Variants in DNM2 observed in about 807,000 individuals in gnomAD.
DNM2 encodes the protein dynamin 2, also known as dynamin-2.
Under a neutral mutation model 99.0 loss-of-function variants are expected in DNM2, and 15 were observed. The ratio of observed to expected loss-of-function variants is 0.15; its 90% CI spans 0.10 to 0.23. The LOEUF (loss-of-function observed/expected upper bound fraction) is 0.23, where lower values mean the gene tolerates loss of function less well. DNM2 is among the 10% of genes least tolerant of loss of function. The probability of loss-of-function intolerance (pLI) is 1.00; values close to 1 mark genes in which losing one functional copy is unlikely to be tolerated. For missense variants in DNM2, 742 were observed against 1,189.4 expected, an observed-to-expected ratio of 0.62 and a Z score of 5.53; for synonymous variants, 525 against 481.2, an observed-to-expected ratio of 1.09 and a Z score of -1.19.
At chr19:10,829,523 G>A (rs2073260480) in intron 19 of DNM2, among the ~76,000 whole-genome samples, 1 of 152,170 alleles carries the variant, frequency 6.6e-6, no homozygotes, top group Non-Finnish European at 1.5e-5. Flanking sequence ...GCCTTCCATT[G>A]GCACAGCCCA....
chr19:10,777,340 C>T, intron 5 of DNM2, 124 bp downstream of exon 5: 1 of 903,832 alleles, frequency 1.1e-6, no homozygotes, highest in Non-Finnish European at 1.8e-6. Context: ...GTAACTCCTT[C>T]TTTCTTTTCC....
chr19:10,803,710 C>A (rs939888587), intron 12 of DNM2: 4 of 985,968 alleles, frequency 4.1e-6, no homozygotes, highest in Non-Finnish European at 4.8e-6. Flanking sequence ...GGTGTGTGAA[C>A]GGGGTACGCC....
chr19:10,793,002 T>TA, intron 7 of DNM2, among the ~76,000 whole-genome samples: 1 of 152,128 alleles, frequency 6.6e-6, no homozygotes, highest in African/African-American at 2.4e-5. Flanking sequence ...CTCAGCATCC[T>TA]AAAGTGCTAA....
chr19:10,829,082 C>T lies in DNM2; in HGVS notation c.2105C>T (p.Ser702Leu), dbSNP rs745382488. The T allele has an allele frequency of 1.7e-5, 27 of 1,613,752 alleles. No homozygotes were observed. The highest frequency in any genetic ancestry group is 3.3e-5 in the South Asian group (3 of 91,062). Residue 702 changes from serine (S) to leucine (L), a missense_variant, in exon 19 of 21, where the codon TCG becomes TTG. Physicochemically the swap from Ser to Leu is moderately radical, Grantham distance 145. Transcript: ENST00000389253. Reference protein sequence around the residue: ...HHELLAYLYSSADQSSLMEES... With the variant: ...HHELLAYLYSLADQSSLMEES... ...GAGCTGCTGGCCTACCTATACTCCT[C>T]GGCAGACCAGAGCAGCCTCATGGAG...
At chr19:10,790,836 G>A (rs944754717) in intron 7 of DNM2, among the ~76,000 whole-genome samples, 1 of 151,878 alleles carries the variant, frequency 6.6e-6, no homozygotes, top group South Asian at 2.1e-4. Context: ...GTGCAATCCC[G>A]GCTCACCGCA....
intron 6 of DNM2, among the ~76,000 whole-genome samples, chr19:10,784,551 C>G (rs1599548867): frequency 6.6e-6 from 1 of 152,124 alleles, no homozygotes; most frequent in African/African-American, 2.4e-5. Context: ...GGGTGCTTCC[C>G]AGAGCAGCAG....
In DNM2 at chr19:10,777,135, G is replaced by T; in HGVS notation, c.607G>T (p.Val203Phe). 1 of 1,614,182 alleles carries T rather than the reference G, an allele frequency of 6.2e-7. No individual in the cohort carries two copies. Residue 203 changes from valine (V) to phenylalanine (F), a missense_variant, in exon 5 of 21, where the codon GTC becomes TTC. Around this residue, in one of 7 missense-constraint regions of DNM2, gnomAD observed 192 missense variants for 358.9 expected, o/e 0.54. Coordinates refer to ENST00000389253, the MANE Select transcript of DNM2 (RefSeq NM_001005361.3). ...VDPQGLRTIG[V>F]ITKLDLMDEG... ...TCTTTCAGGCCTACGGACCATCGGTGTCATCACCAAGCTTGACCTGATGGA... is the reference window on the plus strand; with the variant it reads ...TCTTTCAGGCCTACGGACCATCGGTTTCATCACCAAGCTTGACCTGATGGA...
chr19:10,782,519 C>T (rs1314293268), intron 5 of DNM2, among the ~76,000 whole-genome samples: 7 of 152,008 alleles, frequency 4.6e-5, no homozygotes, highest in African/African-American at 1.4e-4. Flanking sequence ...CCACCATGCA[C>T]GGCTAATTTT....
intron 1 of DNM2, among the ~76,000 whole-genome samples, chr19:10,749,320 C>T (rs1014462363): frequency 6.6e-6 from 1 of 152,234 alleles, no homozygotes; most frequent in African/African-American, 2.4e-5. Flanking sequence ...AATAAACAGC[C>T]TGGGCTTCTG....
intron 1 of DNM2, among the ~76,000 whole-genome samples, chr19:10,758,964 C>A (rs1480059308): frequency 6.6e-6 from 1 of 151,764 alleles, no homozygotes; most frequent in East Asian, 1.9e-4. Flanking sequence ...TTTTCCCACA[C>A]AGAGTCTCGC....
At chr19:10,739,407 T>C (rs1255410532) in intron 1 of DNM2, among the ~76,000 whole-genome samples, 1 of 152,210 alleles carries the variant, frequency 6.6e-6, no homozygotes, top group African/African-American at 2.4e-5. Flanking sequence ...AACCCATACA[T>C]ATGAAGCAGT....
intron 18 of DNM2, among the ~76,000 whole-genome samples, chr19:10,826,746 G>A (rs2073154185): frequency 6.6e-6 from 1 of 151,940 alleles, no homozygotes; most frequent in Admixed American, 6.6e-5. Context: ...AATTAGCTGG[G>A]CGTGGTGGCA....
Position 10,795,453 on chromosome 19 carries a change from G to A in DNM2, c.1196+14G>A. 1.9e-6 allele frequency: 3 copies of A among 1,613,974 alleles called. No individual in the cohort carries two copies. The highest frequency in any genetic ancestry group is 2.5e-6 in the Non-Finnish European group (3 of 1,179,966). The stretch of plus-strand genomic sequence containing the variant: ...CCATGGAGTCAGGCAAGTTCCACGA[G>A]GAGAGTCACCACTGTTCCTTCCTCT... On this transcript the variant is annotated intron_variant, in intron 9 of 20. Coordinates refer to ENST00000389253, the MANE Select transcript of DNM2 (RefSeq NM_001005361.3). The surrounding 1 kb of genome is among the most constrained non-coding windows in gnomAD (Gnocchi z 4.2).
intron 1 of DNM2, among the ~76,000 whole-genome samples, chr19:10,749,779 G>A (rs560479915): frequency 5.3e-5 from 8 of 152,338 alleles, no homozygotes; most frequent in East Asian, 1.9e-4. Context: ...AAGTCTTGGC[G>A]TGTCACAGGA....
In DNM2 at chr19:10,730,963, C is replaced by T. The variant is rs561604143; in HGVS notation, c.161+12560C>T. ...AGACAAGAGGCCAGCAGAGCTGTCC[C>T]AGGCCCTGGTGACACCTCCATGCCC... On this transcript the variant is annotated intron_variant, in intron 1 of 20. Coordinates refer to ENST00000389253, the MANE Select transcript of DNM2 (RefSeq NM_001005361.3). 7.2e-5 allele frequency among the ~76,000 whole-genome samples: 11 copies of T among 152,338 alleles called. No homozygotes were observed. The East Asian group carries it at 2.1e-3, about 29-fold the overall frequency.
chr19:10,779,651 G>A (rs549128723), intron 5 of DNM2, among the ~76,000 whole-genome samples: 1 of 151,348 alleles, frequency 6.6e-6, no homozygotes, highest in South Asian at 2.1e-4. Context: ...GGGATTACAG[G>A]CATGTGCGAT....
Position 10,831,555 on chromosome 19 carries a change from C to T in DNM2, c.*508C>T. 1 of 986,314 alleles carries T rather than the reference C, an allele frequency of 1.0e-6. No homozygotes were observed. 61.1% of individuals were successfully genotyped at this position (986,314 alleles called of 1,614,324 possible). ...GCCCAGCTGGCAGGCCTGAGGTGTA[C>T]ATAGTCCTTCCCGGCCATATTAACC... On this transcript the variant is annotated 3_prime_UTR_variant, in exon 21 of 21. Coordinates refer to ENST00000389253, the MANE Select transcript of DNM2 (RefSeq NM_001005361.3). This position sits in a 1 kb window ranked among gnomAD's most constrained non-coding sequence, Gnocchi z 4.3.
intron 1 of DNM2, among the ~76,000 whole-genome samples, chr19:10,722,633 G>A (rs137976010): frequency 0.032 from 4,868 of 151,964 alleles, 82 homozygotes; most frequent in South Asian, 0.095. Flanking sequence ...GTGAGCCACC[G>A]CGCCTGGCCT....
chr19:10,801,829 C>A (rs1568308788), intron 11 of DNM2, among the ~76,000 whole-genome samples: 1 of 150,014 alleles, frequency 6.7e-6, no homozygotes, highest in Non-Finnish European at 1.5e-5. Context: ...CGCTTGAACC[C>A]AGGAGGCAGA....
Sources: gnomAD v4.1 joint callset for allele counts (sites outside exome capture counted in the v4.1 genomes callset) on GRCh38, gnomAD v4.1.1 for gene constraint, gnomAD v4.1.1 regional missense constraint, Gnocchi (gnomAD v3.1) non-coding constraint, MANE v1.5 for transcripts, NCBI Gene and HGNC (gene_info 2026-07-23, HGNC 2026-07-21) for gene names.